NBEA: variants seen among roughly 807,000 people sequenced by gnomAD.
NBEA encodes lysosomal-trafficking regulator 2.
A neutral mutation model predicts 343.4 loss-of-function variants in NBEA; 44 were observed. That is an observed-to-expected ratio of 0.13 (90% confidence interval 0.10 to 0.16). The LOEUF (loss-of-function observed/expected upper bound fraction) is 0.16. NBEA is among the 10% of genes least tolerant of loss of function. The pLI is 1.00. For synonymous variants in NBEA, 1,175 were observed against 1,238.7 expected (o/e 0.95, Z 1.08); for missense variants, 2,555 against 3,631.3 (o/e 0.70, Z 7.62).
intron 1 of NBEA, among the ~76,000 whole-genome samples, chr13:34,967,110 AT>A (rs2059846033): frequency 6.6e-6 from 1 of 151,840 alleles, no homozygotes; most frequent in African/African-American, 2.4e-5. Context: ...GCTTAATTTT[AT>A]TTATATTACT....
chr13:35,328,012 GACAAA>G (rs1344769782), intron 36 of NBEA, among the ~76,000 whole-genome samples: 2 of 151,874 alleles, frequency 1.3e-5, no homozygotes, highest in African/African-American at 4.8e-5. Context: ...CATGGTGACA[GACAAA>G]ATGCTTTCCT....
At position 35,171,451 on chromosome 13, in the gene NBEA, A is replaced by T; in HGVS notation, c.4422A>T (p.Leu1474Phe). 2 of 1,607,284 alleles carry T rather than the reference A, an allele frequency of 1.2e-6. No homozygotes were observed. The highest frequency in any genetic ancestry group is 1.7e-6 in the Non-Finnish European group (2 of 1,175,288). Reference sequence around the variant, plus strand: ...GTTTAATGCGACAGTGCCTAAGATTAGGTAAGTCTGTTAAAACAATAGTGC... The same window carrying T: ...GTTTAATGCGACAGTGCCTAAGATTTGGTAAGTCTGTTAAAACAATAGTGC... ...SGGLMRQCLRLVCCVAVRNCL... is the reference protein window; with the variant it reads ...SGGLMRQCLRFVCCVAVRNCL... The change falls in exon 26 of 59, where the codon TTA (leucine) becomes TTT (phenylalanine). Residue 1474 changes from leucine to phenylalanine, a missense_variant and splice_region_variant. Leu to Phe is a conservative substitution (Grantham distance 22, BLOSUM62 0). Transcript: ENST00000379939.
chr13:35,052,418 T>C (rs1341459018), intron 6 of NBEA, among the ~76,000 whole-genome samples: 1 of 152,026 alleles, frequency 6.6e-6, no homozygotes, highest in Non-Finnish European at 1.5e-5. Context: ...ACTATTGATA[T>C]CATGCTGTAC....
chr13:35,177,154 G>C, intron 28 of NBEA, 51 bp downstream of exon 28: 1 of 1,350,042 alleles, frequency 7.4e-7, no homozygotes, highest in Non-Finnish European at 1.0e-6. Context: ...ACTGTCATTC[G>C]TATGAAATAC....
chr13:35,019,844 G>A (rs971324761), intron 1 of NBEA, among the ~76,000 whole-genome samples: 7 of 152,080 alleles, frequency 4.6e-5, no homozygotes, highest in African/African-American at 1.4e-4. Context: ...CAGATCTATA[G>A]TCATGACTTT....
At chr13:35,377,142 T>C (rs2041789440) in intron 38 of NBEA, among the ~76,000 whole-genome samples, 1 of 152,146 alleles carries the variant, frequency 6.6e-6, no homozygotes, top group South Asian at 2.1e-4. Flanking sequence ...ATAAAAAAAG[T>C]GAAGAGAAGA....
chr13:35,241,931 C>T (rs2030368082), intron 34 of NBEA, among the ~76,000 whole-genome samples: 1 of 151,816 alleles, frequency 6.6e-6, no homozygotes, highest in Non-Finnish European at 1.5e-5. Flanking sequence ...ATGGAACTTG[C>T]TTGCAACATT....
intron 51 of NBEA, among the ~76,000 whole-genome samples, chr13:35,648,207 T>TTA (rs2084339932): frequency 7.1e-6 from 1 of 140,298 alleles, no homozygotes; most frequent in South Asian, 2.4e-4. Context: ...TTTTTTTTTT[T>TTA]ACCTTCCTTC....
chr13:34,984,175 C>T (rs989592223), intron 1 of NBEA, among the ~76,000 whole-genome samples: 5 of 152,166 alleles, frequency 3.3e-5, no homozygotes, highest in Non-Finnish European at 5.9e-5. Flanking sequence ...TTAGGTCTAA[C>T]ATTTAAGTCT....
Position 35,169,004 on chromosome 13 carries a change from T to C in NBEA, c.4242+9T>C, listed in dbSNP as rs941171421. 1 of 1,496,916 alleles carries C rather than the reference T, an allele frequency of 6.7e-7. No homozygotes were observed. Among genetic ancestry groups the C allele is most frequent in the Non-Finnish European group, 8.9e-7 (1 of 1,125,652 alleles). The allele number at this position is 1,496,916 out of a possible 1,614,324, so 92.7% of individuals were successfully genotyped here. ...ATGTCCAGGGTTCTAAGGTTAGTAT[T>C]ACTTTTGTAGTAATTTTCAGCTTTC... On this transcript the variant is annotated intron_variant, in intron 25 of 58. Coordinates refer to ENST00000379939, the MANE Select transcript of NBEA (RefSeq NM_001385012.1).
intron 34 of NBEA, among the ~76,000 whole-genome samples, chr13:35,269,492 T>C (rs575700007): frequency 6.6e-6 from 1 of 152,266 alleles, no homozygotes; most frequent in African/African-American, 2.4e-5. Flanking sequence ...TACATGGAAG[T>C]GGTCAATATT....
chr13:35,636,506 A>G (rs2083697684), intron 49 of NBEA, among the ~76,000 whole-genome samples: 1 of 152,140 alleles, frequency 6.6e-6, no homozygotes, highest in South Asian at 2.1e-4. Flanking sequence ...ATACCAAACA[A>G]ATCTATTTCA....
intron 43 of NBEA, among the ~76,000 whole-genome samples, chr13:35,554,742 G>A (rs76441605): frequency 0.026 from 3,943 of 152,228 alleles, 174 homozygotes; most frequent in African/African-American, 0.089. Context: ...ATTTGCAGCT[G>A]TGATTTGACA....
chr13:35,496,631 CAAAAAAAA>C (rs3075499), intron 41 of NBEA, among the ~76,000 whole-genome samples: 71 of 105,240 alleles, frequency 6.7e-4, no homozygotes, highest in African/African-American at 2.3e-3. Context: ...GAGATTCTGT[CAAAAAAAA>C]AAAAAAAAAA....
intron 41 of NBEA, among the ~76,000 whole-genome samples, chr13:35,491,343 A>G (rs551618642): frequency 6.6e-6 from 1 of 151,852 alleles, no homozygotes; most frequent in Non-Finnish European, 1.5e-5. Flanking sequence ...TCTTAAATTT[A>G]TATCTCTAGC....
chr13:35,021,622 A>G (rs1378999775), intron 1 of NBEA, among the ~76,000 whole-genome samples: 1 of 147,738 alleles, frequency 6.8e-6, no homozygotes, highest in East Asian at 1.9e-4. Context: ...TATTAACTAC[A>G]CTTTTTTTTT....
In NBEA at chr13:35,593,452, G is replaced by T; in HGVS notation, c.7296+5G>T. ...AGAGATACTTCTGATGTAAAGGTAG[G>T]CTCTTTTATTTGTTGATATTCATTA... On this transcript the variant is annotated splice_donor_5th_base_variant and intron_variant, in intron 47 of 58. Coordinates refer to ENST00000379939, the MANE Select transcript of NBEA (RefSeq NM_001385012.1). The T allele has an allele frequency of 6.3e-7, 1 of 1,591,010 alleles. No individual in the cohort carries two copies. The highest frequency in any genetic ancestry group is 8.5e-7 in the Non-Finnish European group (1 of 1,172,492).
At chr13:35,371,423 T>C (rs1016484755) in intron 38 of NBEA, among the ~76,000 whole-genome samples, 17 of 152,008 alleles carry the variant, frequency 1.1e-4, no homozygotes, top group Non-Finnish European at 2.5e-4. Flanking sequence ...GTATTTTTTA[T>C]TTCATTCCAT....
chr13:35,480,856 C>T (rs2076096208), intron 41 of NBEA, among the ~76,000 whole-genome samples: 1 of 151,834 alleles, frequency 6.6e-6, no homozygotes. Context: ...GGCATCTATA[C>T]CTTTCTTCCT....
Sources: gnomAD v4.1 joint callset for allele counts (sites outside exome capture counted in the v4.1 genomes callset) on GRCh38, gnomAD v4.1.1 for gene constraint, MANE v1.5 for transcripts, NCBI Gene and HGNC (gene_info 2026-07-23, HGNC 2026-07-21) for gene names.